The following MBNL1 variants were observed in gnomAD, a reference collection of about 807,000 sequenced individuals.
The protein encoded by MBNL1 is muscleblind-like protein 1.
A neutral mutation model predicts 42.2 loss-of-function variants in MBNL1; 8 were observed. The ratio of observed to expected loss-of-function variants is 0.19; its 90% CI spans 0.11 to 0.34. The LOEUF (loss-of-function observed/expected upper bound fraction) is 0.34. MBNL1 is among the 10% of genes least tolerant of loss of function. The pLI, the probability that MBNL1 is intolerant of heterozygous loss-of-function variation, is 1.00. For synonymous variants in MBNL1, 169 were observed against 173.9 expected, an observed-to-expected ratio of 0.97 and a Z score of 0.22; for missense variants, 309 against 495.3, an observed-to-expected ratio of 0.62 and a Z score of 3.57.
chr3:152,336,463 C>T (rs1293306119), intron 2 of MBNL1, among the ~76,000 whole-genome samples: 1 of 152,160 alleles, frequency 6.6e-6, no homozygotes, highest in Admixed American at 6.5e-5. Flanking sequence ...ATCACATTGA[C>T]ATGATTATAT....
At chr3:152,441,555 A>G (rs1278555966) in intron 4 of MBNL1, among the ~76,000 whole-genome samples, 3 of 152,188 alleles carry the variant, frequency 2.0e-5, no homozygotes, top group African/African-American at 7.2e-5. Context: ...TTTATTTAGA[A>G]TTAATTTACA....
At chr3:152,323,038 A>G (rs1018457927) in intron 2 of MBNL1, among the ~76,000 whole-genome samples, 8 of 152,154 alleles carry the variant, frequency 5.3e-5, no homozygotes, top group African/African-American at 1.9e-4. Context: ...AAATGGGGTT[A>G]TACTGGTTTC....
chr3:152,307,933 C>A (rs769681506), intron 2 of MBNL1, among the ~76,000 whole-genome samples: 13 of 152,106 alleles, frequency 8.5e-5, no homozygotes, highest in Non-Finnish European at 1.8e-4. Context: ...AAGAATGCTG[C>A]CACCAACTTT....
At chr3:152,403,067 C>T (rs1320746419) in intron 2 of MBNL1, among the ~76,000 whole-genome samples, 2 of 152,080 alleles carry the variant, frequency 1.3e-5, no homozygotes, top group African/African-American at 4.8e-5. Flanking sequence ...TTCCTTTACT[C>T]ACTTAATGCA....
chr3:152,387,787 TTG>T (rs1258053468), intron 2 of MBNL1, among the ~76,000 whole-genome samples: 1 of 152,104 alleles, frequency 6.6e-6, no homozygotes, highest in East Asian at 1.9e-4. Flanking sequence ...AAGAAATAAA[TTG>T]TGTGTATATA....
intron 4 of MBNL1, among the ~76,000 whole-genome samples, chr3:152,439,812 C>A (rs970167098): frequency 1.3e-5 from 2 of 152,108 alleles, no homozygotes; most frequent in African/African-American, 4.8e-5. Context: ...TGCACCACTG[C>A]ACTCCAGACT....
At chr3:152,390,280 A>G (rs1010080043) in intron 2 of MBNL1, among the ~76,000 whole-genome samples, 1 of 151,304 alleles carries the variant, frequency 6.6e-6, no homozygotes, top group Non-Finnish European at 1.5e-5. Context: ...TATTTTGTAA[A>G]CCTTTAAAAA....
chr3:152,361,162 A>G (rs533298725), intron 2 of MBNL1, among the ~76,000 whole-genome samples: 1 of 152,218 alleles, frequency 6.6e-6, no homozygotes, highest in African/African-American at 2.4e-5. Context: ...TCGTTCAGTC[A>G]CCAGTTGTCT....
chr3:152,364,010 C>A (rs572550424), intron 2 of MBNL1, among the ~76,000 whole-genome samples: 1 of 152,174 alleles, frequency 6.6e-6, no homozygotes, highest in African/African-American at 2.4e-5. Flanking sequence ...GATACAGTAG[C>A]TATATTTCAC....
intron 1 of MBNL1, among the ~76,000 whole-genome samples, chr3:152,282,417 C>T (rs1373379492): frequency 6.6e-6 from 1 of 151,822 alleles, no homozygotes; most frequent in Non-Finnish European, 1.5e-5. Flanking sequence ...AATTAAGCAC[C>T]TGTATTTCAG....
chr3:152,442,953 C>G (rs1413750297), intron 4 of MBNL1, among the ~76,000 whole-genome samples: 1 of 149,976 alleles, frequency 6.7e-6, no homozygotes, highest in African/African-American at 2.5e-5. Context: ...TTAGGAGAAA[C>G]CGTAAGCTGT....
At chr3:152,308,983 A>G (rs1289825455) in intron 2 of MBNL1, among the ~76,000 whole-genome samples, 2 of 152,146 alleles carry the variant, frequency 1.3e-5, no homozygotes, top group African/African-American at 4.8e-5. Flanking sequence ...TGTTAACAAT[A>G]CAGTCCTCAA....
chr3:152,388,333 C>T (rs548772741), intron 2 of MBNL1, among the ~76,000 whole-genome samples: 1 of 152,212 alleles, frequency 6.6e-6, no homozygotes, highest in Non-Finnish European at 1.5e-5. Flanking sequence ...TACAAAGGTC[C>T]GTGGAACACA....
At chr3:152,386,620 T>C (rs2097436003) in intron 2 of MBNL1, among the ~76,000 whole-genome samples, 1 of 152,110 alleles carries the variant, frequency 6.6e-6, no homozygotes, top group African/African-American at 2.4e-5. Context: ...GCTGTACAGA[T>C]GATACATCTA....
chr3:152,455,130 T>G (rs1731054016), intron 6 of MBNL1, among the ~76,000 whole-genome samples: 1 of 152,226 alleles, frequency 6.6e-6, no homozygotes, highest in Admixed American at 6.5e-5. Flanking sequence ...TAAGTTAATA[T>G]GTGCCTGATA....
In MBNL1 at chr3:152,322,093, T is replaced by TA. The variant is rs369983749; in HGVS notation, c.174+21731dup. On this transcript the variant is annotated intron_variant, in intron 2 of 9. Transcript: ENST00000324210. ...TTTTTAACCATATTTTTGTACTGCATAAAAATGCAGTGACAAGAGAAAAAC... is the reference window on the plus strand; with the variant it reads ...TTTTTAACCATATTTTTGTACTGCATAAAAAATGCAGTGACAAGAGAAAAAC... Among the ~76,000 whole-genome samples, 976 of 152,090 alleles carry TA rather than the reference T, an allele frequency of 6.4e-3. 9 individuals carry two copies. Among genetic ancestry groups the TA allele is most frequent in the African/African-American group, 0.022 (934 of 41,532 alleles).
At chr3:152,404,070 A>G (rs1579659957) in intron 2 of MBNL1, among the ~76,000 whole-genome samples, 1 of 152,116 alleles carries the variant, frequency 6.6e-6, no homozygotes, top group East Asian at 1.9e-4. Context: ...TAATGGCTGG[A>G]CTTGAGGCAG....
intron 2 of MBNL1, chr3:152,262,533 C>G (rs1333654433): frequency 6.6e-6 from 1 of 152,032 alleles, no homozygotes; most frequent in African/African-American, 2.4e-5. Flanking sequence ...TAGATAGATA[C>G]AGCCAACATT....
intron 2 of MBNL1, among the ~76,000 whole-genome samples, chr3:152,249,877 T>C (rs2034210912): frequency 6.7e-6 from 1 of 149,368 alleles, no homozygotes; most frequent in African/African-American, 2.5e-5. Flanking sequence ...AAATAGGGAA[T>C]CCTTTCCCCA....
Sources: gnomAD v4.1 joint callset for allele counts (sites outside exome capture counted in the v4.1 genomes callset) on GRCh38, gnomAD v4.1.1 for gene constraint, MANE v1.5 for transcripts, NCBI Gene and HGNC (gene_info 2026-07-23, HGNC 2026-07-21) for gene names.